Variants in SLC38A12 observed in about 807,000 individuals in gnomAD.
The protein encoded by SLC38A12 is solute carrier family 38 member 12, also known as putative sodium-coupled neutral amino acid transporter 12.
the SLC38A12 span, chr17:74,819,608 G>T: frequency 1.4e-6 from 1 of 713,012 alleles, no homozygotes; most frequent in South Asian, 1.7e-5. Flanking sequence ...GTGACCCCAG[G>T]GAGCCTCTGC....
the SLC38A12 span, among the ~76,000 whole-genome samples, chr17:74,827,294 TCTC>T: frequency 6.7e-6 from 1 of 149,514 alleles, no homozygotes; most frequent in Admixed American, 6.7e-5. This position sits in a 1 kb window ranked among gnomAD's most constrained non-coding sequence, Gnocchi z 4.7. Flanking sequence ...CCTACAGTCA[TCTC>T]CTTTTTTTTT....
At chr17:74,820,236 G>A in the SLC38A12 span, among the ~76,000 whole-genome samples, 6 of 152,206 alleles carry the variant, frequency 3.9e-5, no homozygotes, top group African/African-American at 4.8e-5. Flanking sequence ...GCACGAGAGC[G>A]GCGCGGCTCT....
chr17:74,836,428 T>C, the SLC38A12 span: 1 of 1,609,596 alleles, frequency 6.2e-7, no homozygotes, highest in South Asian at 1.1e-5. This position sits in a 1 kb window ranked among gnomAD's most constrained non-coding sequence, Gnocchi z 4.2. Context: ...CCTGTGCTGG[T>C]GGCCTTCTGC....
At chr17:74,839,148 G>A in the SLC38A12 span, 3 of 1,517,150 alleles carry the variant, frequency 2.0e-6, no homozygotes, top group African/African-American at 1.4e-5. Context: ...CTCACCTGAG[G>A]CTAGAGCAGC....
the SLC38A12 span, among the ~76,000 whole-genome samples, chr17:74,825,849 G>C: frequency 6.6e-6 from 1 of 152,194 alleles, no homozygotes; most frequent in Non-Finnish European, 1.5e-5. Flanking sequence ...AAGTCAGGCC[G>C]TCATATACAT....
At chr17:74,795,514 T>C in the SLC38A12 span, 1 of 1,613,022 alleles carries the variant, frequency 6.2e-7, no homozygotes, top group Admixed American at 1.7e-5. Flanking sequence ...GCTGTCATTC[T>C]CTTTATCAGC....
the SLC38A12 span, among the ~76,000 whole-genome samples, chr17:74,824,494 T>C: frequency 6.6e-6 from 1 of 152,166 alleles, no homozygotes; most frequent in Admixed American, 6.5e-5. Flanking sequence ...TATTGGCAGC[T>C]TCATTACTTC....
chr17:74,816,612 G>A, the SLC38A12 span, among the ~76,000 whole-genome samples: 19 of 152,324 alleles, frequency 1.2e-4, no homozygotes, highest in African/African-American at 3.6e-4. Flanking sequence ...TCCTGGGTCC[G>A]TCCCGGACTT....
At chr17:74,794,787 G>A in the SLC38A12 span, among the ~76,000 whole-genome samples, 1 of 152,106 alleles carries the variant, frequency 6.6e-6, no homozygotes, top group Admixed American at 6.5e-5. Flanking sequence ...GTCCTCTCAG[G>A]TGAAAGTCAT....
the SLC38A12 span, chr17:74,785,653 G>A: frequency 6.3e-7 from 1 of 1,593,898 alleles, no homozygotes; most frequent in Non-Finnish European, 8.6e-7. Flanking sequence ...GGAGCAGGAG[G>A]GAGTCAGCCC....
the SLC38A12 span, among the ~76,000 whole-genome samples, chr17:74,780,923 GGAGCA>G: frequency 1.3e-5 from 2 of 152,060 alleles, no homozygotes; most frequent in African/African-American, 4.8e-5. Context: ...GTTTCTTTTG[GGAGCA>G]TGCTTATTTC....
the SLC38A12 span, chr17:74,819,866 G>T: frequency 6.3e-7 from 1 of 1,599,704 alleles, no homozygotes; most frequent in Non-Finnish European, 8.6e-7. Context: ...AACAGCTCGA[G>T]TCTCTGCGCT....
the SLC38A12 span, among the ~76,000 whole-genome samples, chr17:74,793,948 C>G: frequency 2.0e-5 from 3 of 152,182 alleles, no homozygotes; most frequent in Admixed American, 2.0e-4. Flanking sequence ...CGTTGGGTAC[C>G]CTGCAGGCTC....
chr17:74,825,687 G>A, the SLC38A12 span, among the ~76,000 whole-genome samples: 7 of 152,210 alleles, frequency 4.6e-5, no homozygotes, highest in African/African-American at 1.2e-4. Flanking sequence ...CCAGGAGGTC[G>A]GTGGCCCAGC....
the SLC38A12 span, among the ~76,000 whole-genome samples, chr17:74,818,380 G>A: frequency 2.0e-5 from 3 of 152,194 alleles, no homozygotes; most frequent in Non-Finnish European, 2.9e-5. Flanking sequence ...CTGCCAGGTC[G>A]CCTTCTCTAG....
the SLC38A12 span, among the ~76,000 whole-genome samples, chr17:74,821,801 G>A: frequency 6.6e-6 from 1 of 152,210 alleles, no homozygotes; most frequent in Non-Finnish European, 1.5e-5. Context: ...TAGCCCCAAA[G>A]TCTGGCCCCT....
At chr17:74,777,604 CAA>C in the SLC38A12 span, 1 of 1,497,372 alleles carries the variant, frequency 6.7e-7, no homozygotes, top group Non-Finnish European at 8.9e-7. Context: ...TCAAGCCAAA[CAA>C]AATCGCCATG....
the SLC38A12 span, among the ~76,000 whole-genome samples, chr17:74,800,906 A>G: frequency 1.4e-4 from 21 of 152,356 alleles, no homozygotes; most frequent in East Asian, 3.3e-3. Context: ...GCCCGTCTAG[A>G]AACGGAATGC....
the SLC38A12 span, among the ~76,000 whole-genome samples, chr17:74,787,777 A>T: frequency 6.7e-6 from 1 of 148,774 alleles, no homozygotes; most frequent in Admixed American, 6.8e-5. Context: ...TCCAGCTGTC[A>T]TCTAGGTCTC....
Sources: gnomAD v4.1 joint callset for allele counts (sites outside exome capture counted in the v4.1 genomes callset) on GRCh38, gnomAD v4.1.1 for gene constraint, Gnocchi (gnomAD v3.1) non-coding constraint, MANE v1.5 for transcripts, NCBI Gene and HGNC (gene_info 2026-07-23, HGNC 2026-07-21) for gene names.